Variants in PRKCA observed in about 807,000 individuals in gnomAD.
The protein encoded by PRKCA is protein kinase C alpha type.
A neutral mutation model predicts 87.0 loss-of-function variants in PRKCA; 27 were observed. The ratio of observed to expected loss-of-function variants is 0.31; its 90% CI spans 0.23 to 0.43. The LOEUF (loss-of-function observed/expected upper bound fraction) is 0.43. Ranked by LOEUF, PRKCA falls within the 20% of genes least tolerant of loss-of-function variation. The probability of loss-of-function intolerance (pLI) is 1.00; values close to 1 mark genes in which losing one functional copy is unlikely to be tolerated. For missense variants in PRKCA, 518 were observed against 852.3 expected (o/e 0.61, Z 4.88); for synonymous variants, 329 against 311.1 (o/e 1.06, Z -0.61).
At chr17:66,782,971 G>T (rs560911706) in intron 14 of PRKCA, among the ~76,000 whole-genome samples, 1 of 152,334 alleles carries the variant, frequency 6.6e-6, no homozygotes, top group South Asian at 2.1e-4. Flanking sequence ...GAGAGGCTGA[G>T]AAATGAACGC....
chr17:66,804,081 C>G lies in PRKCA; in HGVS notation c.*44C>G, dbSNP rs1317682115. On this transcript the variant is annotated 3_prime_UTR_variant, in exon 17 of 17. Coordinates refer to ENST00000413366, the MANE Select transcript of PRKCA (RefSeq NM_002737.3). ...AACACCTCCCCAGCCCCCAGCCCTC[C>G]CCGCAGTGGGAAGTGAATCCTTAAC... The G allele has an allele frequency of 1.9e-6, 3 of 1,576,558 alleles. No individual in the cohort carries two copies. The African/African-American group carries it at 4.1e-5, about 21-fold the overall frequency.
intron 5 of PRKCA, among the ~76,000 whole-genome samples, chr17:66,649,076 C>T (rs188684383): frequency 8.3e-5 from 12 of 144,818 alleles, no homozygotes; most frequent in African/African-American, 1.3e-4. Context: ...CCAGCCTGGG[C>T]GACAGAGCGA....
intron 2 of PRKCA, among the ~76,000 whole-genome samples, chr17:66,414,234 G>A (rs1296869591): frequency 6.6e-6 from 1 of 152,104 alleles, no homozygotes; most frequent in African/African-American, 2.4e-5. Flanking sequence ...GATCATGGGG[G>A]TGGATCCTTC....
chr17:66,767,700 G>C (rs185164715), intron 13 of PRKCA, among the ~76,000 whole-genome samples: 80 of 152,218 alleles, frequency 5.3e-4, no homozygotes, highest in African/African-American at 1.9e-3. Flanking sequence ...ATCTGGAACA[G>C]GTGGCCCCTA....
chr17:66,624,436 C>T (rs1167397267), intron 3 of PRKCA, among the ~76,000 whole-genome samples: 1 of 152,186 alleles, frequency 6.6e-6, no homozygotes, highest in African/African-American at 2.4e-5. Flanking sequence ...TCAGGTGCCA[C>T]TGGGCAGAGG....
intron 3 of PRKCA, among the ~76,000 whole-genome samples, chr17:66,604,304 T>TA (rs1262516755): frequency 6.6e-6 from 1 of 152,252 alleles, no homozygotes; most frequent in Non-Finnish European, 1.5e-5. Flanking sequence ...AACATTTTCT[T>TA]AAACCTTTAT....
intron 5 of PRKCA, among the ~76,000 whole-genome samples, chr17:66,662,683 G>A (rs1218963756): frequency 6.6e-6 from 1 of 151,610 alleles, no homozygotes; most frequent in Non-Finnish European, 1.5e-5. Context: ...GATTGTGGTC[G>A]AGATAAGAGG....
At chr17:66,565,617 C>G (rs1968866370) in intron 3 of PRKCA, among the ~76,000 whole-genome samples, 1 of 152,148 alleles carries the variant, frequency 6.6e-6, no homozygotes, top group Non-Finnish European at 1.5e-5. Context: ...ATAGGAGGCC[C>G]CTTTTTCTTC....
intron 5 of PRKCA, among the ~76,000 whole-genome samples, chr17:66,684,640 A>G (rs1346332793): frequency 6.6e-6 from 1 of 152,268 alleles, no homozygotes; most frequent in Non-Finnish European, 1.5e-5. Flanking sequence ...ATTTTAACTC[A>G]TCACCATTCC....
chr17:66,383,971 G>C (rs1240272565), intron 2 of PRKCA, among the ~76,000 whole-genome samples: 1 of 151,902 alleles, frequency 6.6e-6, no homozygotes. Context: ...AATTGTTTTT[G>C]ATGAAGCCAT....
At chr17:66,590,510 C>T (rs1329952366) in intron 3 of PRKCA, among the ~76,000 whole-genome samples, 3 of 152,248 alleles carry the variant, frequency 2.0e-5, no homozygotes, top group East Asian at 1.9e-4. Flanking sequence ...GTCCTCAGAG[C>T]GTGCACGAGG....
Position 66,329,270 on chromosome 17 carries a change from G to A in PRKCA, c.205+23143G>A, listed in dbSNP as rs189513308. 9.5e-4 allele frequency among the ~76,000 whole-genome samples: 144 copies of A among 152,316 alleles called. 1 individual carries two copies. Among genetic ancestry groups the A allele is most frequent in the Admixed American group, 3.3e-3 (51 of 15,304 alleles). On this transcript the variant is annotated intron_variant, in intron 2 of 16. Transcript: ENST00000413366. ...CTGTGGTGCCATTCACTATTACGTA[G>A]CATGCTAGAGGAAGACCAGGTTTCG...
chr17:66,787,757 T>C (rs1015201900), intron 15 of PRKCA, among the ~76,000 whole-genome samples: 1 of 152,100 alleles, frequency 6.6e-6, no homozygotes, highest in Non-Finnish European at 1.5e-5. Flanking sequence ...CAGCATGGAT[T>C]AGTCTTGCCT....
chr17:66,316,052 T>C lies in PRKCA; in HGVS notation c.205+9925T>C, dbSNP rs1905299561. Among the ~76,000 whole-genome samples, 3 of 152,328 alleles carry C rather than the reference T, an allele frequency of 2.0e-5. No homozygotes were observed. The South Asian group carries it at 6.2e-4, about 32-fold the overall frequency. ...TCAGGAGATGGCTCTTGTTTTGGGCTTTGTAGGTTGCTAGAATTTCCTTTG... is the reference window on the plus strand; with the variant it reads ...TCAGGAGATGGCTCTTGTTTTGGGCCTTGTAGGTTGCTAGAATTTCCTTTG... On this transcript the variant is annotated intron_variant, in intron 2 of 16. Transcript: ENST00000413366.
intron 2 of PRKCA, among the ~76,000 whole-genome samples, chr17:66,352,137 G>A (rs879295085): frequency 9.2e-5 from 14 of 152,170 alleles, no homozygotes; most frequent in Admixed American, 4.6e-4. Context: ...AATAAATGTG[G>A]CTTAGAGGGC....
intron 3 of PRKCA, among the ~76,000 whole-genome samples, chr17:66,575,804 GTTAGTA>G (rs57994486): frequency 0.15 from 22,662 of 151,926 alleles, 2,174 homozygotes; most frequent in African/African-American, 0.27. Flanking sequence ...TATTCTTAGT[GTTAGTA>G]TTAGTACATA....
Position 66,555,388 on chromosome 17 carries a change from G to A in PRKCA, c.288+59105G>A, listed in dbSNP as rs181718892. Among the ~76,000 whole-genome samples, 9 of 152,232 alleles carry A rather than the reference G, an allele frequency of 5.9e-5. No homozygotes were observed. The East Asian group carries it at 1.7e-3, about 29-fold the overall frequency. Reference sequence around the variant, plus strand: ...CCACCTGCAGATCCTTCACCACCAAGAACATGCTTTTCTGTCATATTGCAG... The same window carrying A: ...CCACCTGCAGATCCTTCACCACCAAAAACATGCTTTTCTGTCATATTGCAG... On this transcript the variant is annotated intron_variant, in intron 3 of 16. Transcript: ENST00000413366.
intron 3 of PRKCA, among the ~76,000 whole-genome samples, chr17:66,593,899 C>A (rs113467776): frequency 0.063 from 9,589 of 152,248 alleles, 394 homozygotes; most frequent in Non-Finnish European, 0.091. Flanking sequence ...GCCTGGCCAA[C>A]ATGGAAAAAC....
chr17:66,415,465 A>G (rs929076842), intron 2 of PRKCA: 4 of 152,178 alleles, frequency 2.6e-5, no homozygotes, highest in African/African-American at 4.8e-5. Context: ...GTAAATTATT[A>G]ACTTTTGGCC....
Sources: allele counts gnomAD v4.1 joint callset (sites outside exome capture counted in the v4.1 genomes callset), GRCh38; gene constraint gnomAD v4.1.1; transcripts MANE v1.5; gene names NCBI Gene and HGNC (gene_info 2026-07-23, HGNC 2026-07-21).